The following CWF19L2 variants were observed in gnomAD, a reference collection of about 807,000 sequenced individuals.
The protein encoded by CWF19L2 is CWF19 like cell cycle control factor 2, also known as CWF19-like protein 2.
A neutral mutation model predicts 111.7 loss-of-function variants in CWF19L2; 98 were observed. The ratio of observed to expected loss-of-function variants is 0.88; its 90% CI spans 0.75 to 1.04. The LOEUF (loss-of-function observed/expected upper bound fraction) is 1.04, where lower values mean the gene tolerates loss of function less well. CWF19L2 is among the 50% of genes least tolerant of loss of function. The pLI, the probability that CWF19L2 is intolerant of heterozygous loss-of-function variation, is 0.00. For synonymous variants in CWF19L2, 351 were observed against 342.9 expected, an observed-to-expected ratio of 1.02 and a Z score of -0.26; for missense variants, 1,101 against 1,051.4, an observed-to-expected ratio of 1.05 and a Z score of -0.65.
At chr11:107,418,038 G>C (rs1278748387) in intron 9 of CWF19L2, among the ~76,000 whole-genome samples, 156 bp downstream of exon 9, 1 of 152,174 alleles carries the variant, frequency 6.6e-6, no homozygotes, top group African/African-American at 2.4e-5. Context: ...GGGATTACAG[G>C]CATGGTGCCA....
Position 107,416,222 on chromosome 11 carries a change from T to A in CWF19L2, c.1604A>T (p.Lys535Ile), listed in dbSNP as rs898601986. ...FKETITQIPK[K>I]SGVENEDQQE... ...TTTATTACTTACCTCTACCCCAGAT[T>A]TTTTTGGTATCTGTGTTATAGTTTC... Residue 535 changes from lysine (K) to isoleucine (I), a missense_variant, in exon 10 of 18, where the codon AAA becomes ATA. By Grantham distance (102) the Lys-to-Ile change is moderately radical. Transcript: ENST00000282251. 1.1e-5 allele frequency: 15 copies of A among 1,423,014 alleles called. No homozygotes were observed. The highest frequency in any genetic ancestry group is 1.5e-5 in the African/African-American group (1 of 68,386). The allele number at this position is 1,423,014 out of a possible 1,614,324, so 88.1% of individuals were successfully genotyped here.
At chr11:107,362,051 G>A (rs1860352782) in intron 12 of CWF19L2, among the ~76,000 whole-genome samples, 3 of 152,148 alleles carry the variant, frequency 2.0e-5, no homozygotes, top group Admixed American at 6.5e-5. Flanking sequence ...CTGAGTCAAA[G>A]AAAGGGGTGA....
At chr11:107,360,152 T>C (rs572797031) in intron 12 of CWF19L2, among the ~76,000 whole-genome samples, 4 of 152,222 alleles carry the variant, frequency 2.6e-5, no homozygotes, top group Non-Finnish European at 5.9e-5. Flanking sequence ...TATTATTCCA[T>C]TCTCTACATC....
At chr11:107,358,467 T>C (rs1281091324) in intron 12 of CWF19L2, among the ~76,000 whole-genome samples, 2 of 152,206 alleles carry the variant, frequency 1.3e-5, no homozygotes, top group Non-Finnish European at 2.9e-5. Flanking sequence ...TTGGACAAGG[T>C]TGAGTTACCA....
intron 10 of CWF19L2, chr11:107,403,994 C>T: frequency 4.9e-6 from 4 of 819,612 alleles, no homozygotes; most frequent in Non-Finnish European, 6.5e-6. Context: ...TGGCACCACA[C>T]TCTCACTAAG....
intron 12 of CWF19L2, among the ~76,000 whole-genome samples, chr11:107,387,634 G>A (rs1215365381): frequency 6.6e-6 from 1 of 152,046 alleles, no homozygotes; most frequent in Non-Finnish European, 1.5e-5. Flanking sequence ...CAGTGGTGGG[G>A]GTGGGGGTGC....
At chr11:107,347,785 C>G (rs1860101236) in intron 14 of CWF19L2, among the ~76,000 whole-genome samples, 1 of 151,736 alleles carries the variant, frequency 6.6e-6, no homozygotes, top group African/African-American at 2.4e-5. Context: ...TCTTCATCCA[C>G]TTAAACTGTT....
intron 16 of CWF19L2, among the ~76,000 whole-genome samples, chr11:107,331,635 G>A (rs1370777694): frequency 6.6e-6 from 1 of 152,196 alleles, no homozygotes; most frequent in African/African-American, 2.4e-5. Flanking sequence ...AACCCACTTT[G>A]TACTTGCGAT....
chr11:107,414,747 CT>C (rs1271717121), intron 10 of CWF19L2, among the ~76,000 whole-genome samples: 1 of 152,176 alleles, frequency 6.6e-6, no homozygotes, highest in Non-Finnish European at 1.5e-5. Context: ...TGCCTCCTCT[CT>C]TTAGCCCATT....
chr11:107,448,642 A>G (rs530924258), intron 3 of CWF19L2, among the ~76,000 whole-genome samples: 1 of 152,244 alleles, frequency 6.6e-6, no homozygotes, highest in East Asian at 1.9e-4. Context: ...TCCCCCACCA[A>G]ATTCTTATGT....
chr11:107,445,238 A>C (rs537563), intron 3 of CWF19L2, among the ~76,000 whole-genome samples: 1 of 152,050 alleles, frequency 6.6e-6, no homozygotes, highest in Non-Finnish European at 1.5e-5. Flanking sequence ...TCCTTTTTGC[A>C]AAATCCAATT....
chr11:107,426,091 A>G (rs963570248), intron 8 of CWF19L2, among the ~76,000 whole-genome samples: 1 of 151,932 alleles, frequency 6.6e-6, no homozygotes, highest in Admixed American at 6.6e-5. Context: ...CACATTAAAG[A>G]AAGAATGAAA....
At chr11:107,383,283 C>A (rs1211480685) in intron 12 of CWF19L2, among the ~76,000 whole-genome samples, 1 of 152,034 alleles carries the variant, frequency 6.6e-6, no homozygotes, top group African/African-American at 2.4e-5. Flanking sequence ...ACTGAGACCC[C>A]AACCTGTGGA....
At chr11:107,411,691 T>A (rs1313609532) in intron 10 of CWF19L2, among the ~76,000 whole-genome samples, 1 of 152,138 alleles carries the variant, frequency 6.6e-6, no homozygotes, top group Non-Finnish European at 1.5e-5. Context: ...ATATACTAAT[T>A]AAAATTAAGT....
intron 14 of CWF19L2, among the ~76,000 whole-genome samples, chr11:107,340,763 T>C (rs1023526959): frequency 9.2e-5 from 14 of 152,212 alleles, no homozygotes; most frequent in South Asian, 2.1e-4. Flanking sequence ...AACTAGTATA[T>C]TAATTTGAGG....
At chr11:107,351,407 G>A (rs1337728618) in intron 13 of CWF19L2, among the ~76,000 whole-genome samples, 2 of 152,140 alleles carry the variant, frequency 1.3e-5, no homozygotes, top group Admixed American at 1.3e-4. Flanking sequence ...GGTAAAGGTG[G>A]AGACGGGTAT....
At chr11:107,402,003 T>C (rs996256254) in intron 10 of CWF19L2, among the ~76,000 whole-genome samples, 30 of 152,046 alleles carry the variant, frequency 2.0e-4, no homozygotes, top group African/African-American at 7.2e-4. Context: ...TTTCAACAAA[T>C]GGTGCTGGGA....
At chr11:107,386,219 G>A (rs1033733213) in intron 12 of CWF19L2, among the ~76,000 whole-genome samples, 2 of 151,982 alleles carry the variant, frequency 1.3e-5, no homozygotes, top group Admixed American at 6.6e-5. Context: ...TCACTTTGTT[G>A]CCCAGACAGG....
At chr11:107,454,650 AT>A (rs11343583) in intron 2 of CWF19L2, 78 bp from the exon 3 acceptor site, 179,312 of 1,019,700 alleles carry the variant, frequency 0.18, 9,368 homozygotes, top group Middle Eastern at 0.2. Flanking sequence ...GAGAAAAAAA[AT>A]AAACCACATT....
Sources: allele counts gnomAD v4.1 joint callset (sites outside exome capture counted in the v4.1 genomes callset), GRCh38; gene constraint gnomAD v4.1.1; transcripts MANE v1.5; gene names NCBI Gene and HGNC (gene_info 2026-07-23, HGNC 2026-07-21).